The following FSTL4 variants were observed in gnomAD, a reference collection of about 807,000 sequenced individuals.
FSTL4 encodes follistatin-related protein 4.
Under a neutral mutation model 78.2 loss-of-function variants are expected in FSTL4, and 28 were observed. The ratio of observed to expected loss-of-function variants is 0.36; its 90% CI spans 0.27 to 0.49. The LOEUF (loss-of-function observed/expected upper bound fraction) is 0.49, where lower values mean the gene tolerates loss of function less well. FSTL4 is among the 20% of genes least tolerant of loss of function. FSTL4 has a pLI of 0.98. For missense variants in FSTL4, 922 were observed against 1,084.9 expected, an observed-to-expected ratio of 0.85 and a Z score of 2.11; for synonymous variants, 422 against 440.5, an observed-to-expected ratio of 0.96 and a Z score of 0.53.
At chr5:133,622,706 T>G in the FSTL4 span, among the ~76,000 whole-genome samples, 1 of 152,318 alleles carries the variant, frequency 6.6e-6, no homozygotes, top group African/African-American at 2.4e-5. Context: ...TTATTTGTCA[T>G]CTGTATATCC....
chr5:133,723,973 A>C, the FSTL4 span, among the ~76,000 whole-genome samples: 1 of 152,206 alleles, frequency 6.6e-6, no homozygotes, highest in Non-Finnish European at 1.5e-5. Flanking sequence ...CCAGGTGGGC[A>C]TGTTGCAGTG....
the FSTL4 span, among the ~76,000 whole-genome samples, chr5:133,718,834 T>C: frequency 3.3e-5 from 5 of 152,218 alleles, no homozygotes; most frequent in Admixed American, 3.3e-4. Context: ...AGTAAATGTA[T>C]TACTGCCATT....
intron 5 of FSTL4, among the ~76,000 whole-genome samples, chr5:133,314,450 T>A (rs1753856285): frequency 1.3e-5 from 2 of 152,224 alleles, no homozygotes; most frequent in Non-Finnish European, 2.9e-5. Flanking sequence ...CCAACGTGCT[T>A]CCTGAAAGCA....
the FSTL4 span, among the ~76,000 whole-genome samples, chr5:133,761,511 T>C: frequency 6.6e-6 from 1 of 152,188 alleles, no homozygotes; most frequent in African/African-American, 2.4e-5. Flanking sequence ...TCAAGCCCCA[T>C]TTCCCCTGAG....
At chr5:133,724,861 G>T in the FSTL4 span, among the ~76,000 whole-genome samples, 1 of 152,094 alleles carries the variant, frequency 6.6e-6, no homozygotes, top group East Asian at 1.9e-4. Context: ...TTACGTTTAG[G>T]TTTATAATCC....
intron 4 of FSTL4, among the ~76,000 whole-genome samples, chr5:133,331,596 C>G: frequency 6.6e-6 from 1 of 152,164 alleles, no homozygotes; most frequent in East Asian, 1.9e-4. Context: ...GATACGTGCT[C>G]TTACATGAGC....
intron 2 of FSTL4, chr5:133,583,422 G>A (rs1184918531): frequency 6.9e-6 from 2 of 291,068 alleles, no homozygotes; most frequent in Middle Eastern, 1.2e-3. Flanking sequence ...CAGACAGTGG[G>A]CGCAGGCCAG....
intron 3 of FSTL4, among the ~76,000 whole-genome samples, chr5:133,465,629 A>T (rs1580726612): frequency 6.6e-6 from 1 of 152,124 alleles, no homozygotes; most frequent in Admixed American, 6.5e-5. Flanking sequence ...CCCCACACAC[A>T]TGGAGGAGCA....
chr5:133,828,533 G>A, the FSTL4 span, among the ~76,000 whole-genome samples: 4,686 of 152,254 alleles, frequency 0.031, 228 homozygotes, highest in African/African-American at 0.11. Flanking sequence ...CTGTAGGAAC[G>A]AGTGCCCTAT....
chr5:133,632,145 A>G, the FSTL4 span, among the ~76,000 whole-genome samples: 1 of 152,200 alleles, frequency 6.6e-6, no homozygotes, highest in Non-Finnish European at 1.5e-5. Flanking sequence ...TTAAAGTATA[A>G]TAATTAAAAA....
the FSTL4 span, among the ~76,000 whole-genome samples, chr5:133,806,350 CT>C: frequency 6.6e-6 from 1 of 152,208 alleles, no homozygotes; most frequent in African/African-American, 2.4e-5. Flanking sequence ...ACTATTCATC[CT>C]GCAGATAGGC....
At chr5:133,319,938 C>T (rs2126895900) in intron 4 of FSTL4, among the ~76,000 whole-genome samples, 1 of 152,194 alleles carries the variant, frequency 6.6e-6, no homozygotes, top group East Asian at 1.9e-4. Flanking sequence ...GGGCCATGGA[C>T]CCTGGAGGAA....
At chr5:133,589,037 CA>C (rs1760563174) in intron 2 of FSTL4, among the ~76,000 whole-genome samples, 1 of 19,914 alleles carries the variant, frequency 5.0e-5, no homozygotes, top group Non-Finnish European at 1.1e-4. Flanking sequence ...ATCGCAAGAA[CA>C]AAAAACCAAA....
At chr5:133,811,545 A>G in the FSTL4 span, among the ~76,000 whole-genome samples, 1 of 152,180 alleles carries the variant, frequency 6.6e-6, no homozygotes, top group Admixed American at 6.5e-5. Context: ...TGGGCCTGAG[A>G]ATTCCTCAAA....
chr5:133,284,114 A>G (rs573788654), intron 6 of FSTL4, among the ~76,000 whole-genome samples: 2 of 152,290 alleles, frequency 1.3e-5, no homozygotes, highest in African/African-American at 4.8e-5. Flanking sequence ...GAACCAAACC[A>G]TATCAGGCAA....
intron 4 of FSTL4, among the ~76,000 whole-genome samples, chr5:133,340,386 G>T (rs1580632062): frequency 6.6e-6 from 1 of 152,146 alleles, no homozygotes; most frequent in African/African-American, 2.4e-5. Context: ...ACCTCCAGGG[G>T]TTTGATCCCA....
At chr5:133,241,771 A>G (rs368456880) in intron 7 of FSTL4, among the ~76,000 whole-genome samples, 1 of 152,206 alleles carries the variant, frequency 6.6e-6, no homozygotes, top group East Asian at 1.9e-4. Flanking sequence ...GAAACCTGCA[A>G]CCCTCTTCCT....
Position 133,316,626 on chromosome 5 carries a change from C to T in FSTL4, c.436G>A (p.Ala146Thr), listed in dbSNP as rs142276540. ...GCCAGAAGGACATTCTTCAAGCGGG[C>T]GTAGCCGGCCATGGTGCACGTGTCA... ...KGDTCTMAGY[A>T]RLKNVLLALQ... Residue 146 changes from alanine to threonine, a missense_variant, in exon 5 of 16, where the codon GCC (alanine) becomes ACC (threonine). By Grantham distance (58) the Ala-to-Thr change is moderately conservative (BLOSUM62 0). Coordinates refer to ENST00000265342, the MANE Select transcript of FSTL4 (RefSeq NM_015082.2). 152 of 1,613,390 alleles carry T rather than the reference C, an allele frequency of 9.4e-5. No individual in the cohort carries two copies. In the East Asian group the frequency reaches 2.5e-3, roughly 27 times the overall value.
chr5:133,488,036 T>C (rs892893502), intron 3 of FSTL4, among the ~76,000 whole-genome samples: 4 of 152,192 alleles, frequency 2.6e-5, no homozygotes, highest in African/African-American at 4.8e-5. Context: ...AGGGAAGTGC[T>C]CACTACTAAT....
Sources: allele counts gnomAD v4.1 joint callset (sites outside exome capture counted in the v4.1 genomes callset), GRCh38; gene constraint gnomAD v4.1.1; transcripts MANE v1.5; gene names NCBI Gene and HGNC (gene_info 2026-07-23, HGNC 2026-07-21).